The following SNX29 variants were observed in gnomAD, a reference collection of about 807,000 sequenced individuals.
SNX29 encodes the protein sorting nexin-29.
A neutral mutation model predicts 102.1 loss-of-function variants in SNX29; 78 were observed. The observed-to-expected ratio is 0.76, with a 90% CI of 0.64 to 0.92. The LOEUF is 0.92. Among genes scored for constraint, SNX29 ranks in the 40% least tolerant of loss-of-function variants. The pLI is 0.00. For synonymous variants in SNX29, 580 were observed against 414.5 expected, an observed-to-expected ratio of 1.40 and a Z score of -4.85; for missense variants, 1,280 against 1,061.7, an observed-to-expected ratio of 1.21 and a Z score of -2.86.
At chr16:12,200,864 T>G in intron 14 of SNX29, among the ~76,000 whole-genome samples, 1 of 152,204 alleles carries the variant, frequency 6.6e-6, no homozygotes, top group East Asian at 1.9e-4. Context: ...ATTATTTTAC[T>G]ATACGTACCA....
At chr16:12,556,448 G>C (rs1598009764) in intron 20 of SNX29, 1 of 152,262 alleles carries the variant, frequency 6.6e-6, no homozygotes. Flanking sequence ...AAACTCCAAG[G>C]AACTCTTAGG....
At position 12,568,636 on chromosome 16, in the gene SNX29, C is replaced by A. The variant is rs554061417; in HGVS notation, c.*7C>A. The A allele has an allele frequency of 1.2e-6, 2 of 1,601,792 alleles. No individual in the cohort carries two copies. Among genetic ancestry groups the A allele is most frequent in the East Asian group, 2.2e-5 (1 of 44,852 alleles). Reference sequence around the variant, plus strand: ...CCAGAGCGGTGACCTCTGACCTCGACAAAACCGCAGCCACGGGCCCTGTGC... The same window carrying A: ...CCAGAGCGGTGACCTCTGACCTCGAAAAAACCGCAGCCACGGGCCCTGTGC... On this transcript the variant is annotated 3_prime_UTR_variant, in exon 21 of 21. Transcript: ENST00000566228.
At chr16:12,480,059 C>T (rs543167106) in intron 19 of SNX29, among the ~76,000 whole-genome samples, 3 of 152,256 alleles carry the variant, frequency 2.0e-5, no homozygotes, top group Admixed American at 1.3e-4. Flanking sequence ...GAGTTCAGTT[C>T]CTAGGGCATA....
intron 14 of SNX29, among the ~76,000 whole-genome samples, chr16:12,254,716 G>A (rs564481280): frequency 6.6e-6 from 1 of 152,184 alleles, no homozygotes; most frequent in African/African-American, 2.4e-5. Flanking sequence ...AGCCACGTGA[G>A]AGTGTGCTTG....
intron 13 of SNX29, among the ~76,000 whole-genome samples, chr16:12,142,582 G>C (rs2054904303): frequency 6.6e-6 from 1 of 152,120 alleles, no homozygotes; most frequent in Non-Finnish European, 1.5e-5. Context: ...GTTTGTTTTT[G>C]AGACGGAGTT....
Position 12,129,708 on chromosome 16 carries a change from G to A in SNX29, c.1545G>A (p.Lys515=). Reference sequence around the variant, plus strand: ...AAGAGGTGGACACCTTGAAAAGGAAGGTGGCTGAACAGGAGGAGCGGCAGG... The same window carrying A: ...AAGAGGTGGACACCTTGAAAAGGAAAGTGGCTGAACAGGAGGAGCGGCAGG... ...LRQEVDTLKR[K]VAEQEERQGM... Residue 515 remains lysine, a synonymous_variant, in exon 13 of 21, where the codon AAG becomes AAA. Transcript: ENST00000566228. 6.2e-7 allele frequency: 1 copy of A among 1,610,942 alleles called. No individual in the cohort carries two copies. The highest frequency in any genetic ancestry group is 8.5e-7 in the Non-Finnish European group (1 of 1,179,468).
intron 20 of SNX29, among the ~76,000 whole-genome samples, chr16:12,548,095 G>A (rs1470907052): frequency 1.3e-5 from 2 of 152,198 alleles, no homozygotes; most frequent in African/African-American, 4.8e-5. Context: ...ATGTTGCTAA[G>A]GGACATTGAG....
chr16:12,219,468 C>T (rs1277052856), intron 14 of SNX29, among the ~76,000 whole-genome samples: 1 of 152,162 alleles, frequency 6.6e-6, no homozygotes. Context: ...GCAAACGCCA[C>T]TTGTGACTTA....
In SNX29 at chr16:12,430,991, T is replaced by TAG. The variant is rs532336653; in HGVS notation, c.2037+27465_2037+27466dup. Among the ~76,000 whole-genome samples the TAG allele has an allele frequency of 2.4e-3, 365 of 152,226 alleles. 2 individuals carry two copies. The highest frequency in any genetic ancestry group is 7.6e-3 in the African/African-American group (315 of 41,518). ...CCTCAGCCTCCCGAGTAGCAGGGAT[T>TAG]AGAGGCACCTGCCACCACACCCGGC... is the stretch of plus-strand genomic sequence containing the variant. On this transcript the variant is annotated intron_variant, in intron 18 of 20. Transcript: ENST00000566228.
At chr16:12,561,057 G>A (rs960696694) in intron 20 of SNX29, 4 of 224,024 alleles carry the variant, frequency 1.8e-5, no homozygotes, top group African/African-American at 8.9e-5. Context: ...AGAGGTAGGA[G>A]GTAAAGGCCT....
chr16:12,458,950 C>T (rs1362638276), intron 18 of SNX29, among the ~76,000 whole-genome samples: 1 of 152,162 alleles, frequency 6.6e-6, no homozygotes, highest in Non-Finnish European at 1.5e-5. Flanking sequence ...AATTTTTTGC[C>T]TTATATAAGT....
chr16:12,481,868 T>C (rs1021278551), intron 19 of SNX29, among the ~76,000 whole-genome samples: 1 of 152,340 alleles, frequency 6.6e-6, no homozygotes, highest in East Asian at 1.9e-4. Context: ...TGATTCCTTC[T>C]TTCTTTTTCT....
At chr16:12,012,824 G>A (rs1208262451) in intron 3 of SNX29, among the ~76,000 whole-genome samples, 1 of 151,988 alleles carries the variant, frequency 6.6e-6, no homozygotes, top group Non-Finnish European at 1.5e-5. Flanking sequence ...TGTCTACTCT[G>A]GTCTGGTGCT....
At chr16:12,293,428 A>G (rs116262634) in intron 15 of SNX29, among the ~76,000 whole-genome samples, 1 of 152,198 alleles carries the variant, frequency 6.6e-6, no homozygotes, top group African/African-American at 2.4e-5. Context: ...CTGTTCAGAC[A>G]GTGTGTTTGT....
chr16:12,365,604 C>A (rs899284767), intron 16 of SNX29, among the ~76,000 whole-genome samples: 4 of 149,978 alleles, frequency 2.7e-5, no homozygotes, highest in Admixed American at 6.6e-5. Flanking sequence ...GCAGGAGAAT[C>A]GCTTGAACCC....
intron 14 of SNX29, among the ~76,000 whole-genome samples, chr16:12,212,987 A>C (rs902207362): frequency 2.6e-5 from 4 of 152,040 alleles, no homozygotes; most frequent in Admixed American, 6.6e-5. Context: ...GGTGGCATGC[A>C]CCTGTAATCC....
chr16:12,559,063 G>A (rs1185778151), intron 20 of SNX29, among the ~76,000 whole-genome samples: 1 of 152,116 alleles, frequency 6.6e-6, no homozygotes, highest in Non-Finnish European at 1.5e-5. Context: ...GCAATGTAGA[G>A]GTCTACCGCT....
intron 16 of SNX29, among the ~76,000 whole-genome samples, chr16:12,386,863 G>A (rs1316972493): frequency 4.7e-5 from 7 of 150,494 alleles, no homozygotes; most frequent in African/African-American, 9.8e-5. Flanking sequence ...GGTGACTCAC[G>A]CCTGTAATCC....
intron 19 of SNX29, among the ~76,000 whole-genome samples, chr16:12,495,529 C>T (rs1168816037): frequency 1.3e-5 from 2 of 152,200 alleles, no homozygotes. Flanking sequence ...TGCTTTCTTT[C>T]TTTGCCCCTT....
Sources: gnomAD v4.1 joint callset for allele counts (sites outside exome capture counted in the v4.1 genomes callset) on GRCh38, gnomAD v4.1.1 for gene constraint, MANE v1.5 for transcripts, NCBI Gene and HGNC (gene_info 2026-07-23, HGNC 2026-07-21) for gene names.